CDH2: variants seen among roughly 807,000 people sequenced by gnomAD.
The protein encoded by CDH2 is cadherin 2, also known as cadherin-2.
In CDH2, 17 loss-of-function variants were observed where a neutral mutation model predicts 92.0. The ratio of observed to expected loss-of-function variants is 0.18; its 90% CI spans 0.13 to 0.28. The LOEUF is 0.28. Among genes scored for constraint, CDH2 ranks in the 10% least tolerant of loss-of-function variants. The pLI is 1.00. For synonymous variants in CDH2, 419 were observed against 415.9 expected (o/e 1.01, Z -0.09); for missense variants, 862 against 1,133.1 (o/e 0.76, Z 3.44).
intron 2 of CDH2, among the ~76,000 whole-genome samples, chr18:28,072,380 C>G (rs1020063145): frequency 2.0e-5 from 3 of 151,818 alleles, no homozygotes; most frequent in African/African-American, 4.9e-5. Context: ...TCATGTGGCT[C>G]TGTCTTTCCT....
intron 14 of CDH2, among the ~76,000 whole-genome samples, chr18:27,978,526 C>A (rs1355353279): frequency 6.6e-6 from 1 of 150,554 alleles, no homozygotes; most frequent in Non-Finnish European, 1.5e-5. Context: ...CATGTCTTAA[C>A]CAAATGAAAA....
chr18:28,094,721 G>A (rs1186044899), intron 2 of CDH2, among the ~76,000 whole-genome samples: 16 of 147,998 alleles, frequency 1.1e-4, no homozygotes, highest in African/African-American at 3.5e-4. Context: ...GTGAACCCGG[G>A]AAGCGGAGCT....
rs2011461860 is a variant in CDH2, at chr18:27,963,439, T to C, written c.2432A>G (p.Glu811Gly). The change falls in exon 15 of 16, where the codon GAA (glutamate) becomes GGA (glycine). Residue 811 changes from glutamate (E) to glycine (G), a missense_variant. By Grantham distance (98) the Glu-to-Gly change is moderately conservative. This residue lies in a region of CDH2 where 114 missense variants were observed against 144.8 expected (regional missense o/e 0.79). Transcript: ENST00000269141. ...CTGGGGCTCGGCGTGGATGGGTCTT[T>C]CATCCATTCGTCGGATTCCCACAGG... ...IKPVGIRRMDERPIHAEPQYP... is the reference protein window; with the variant it reads ...IKPVGIRRMDGRPIHAEPQYP... 3 of 1,613,952 alleles carry C rather than the reference T, an allele frequency of 1.9e-6. No individual in the cohort carries two copies. The highest frequency in any genetic ancestry group is 1.7e-6 in the Non-Finnish European group (2 of 1,179,882).
intron 2 of CDH2, among the ~76,000 whole-genome samples, chr18:28,124,226 G>C (rs533278382): frequency 9.2e-5 from 14 of 151,930 alleles, no homozygotes; most frequent in African/African-American, 3.1e-4. Flanking sequence ...TTAATTTTAA[G>C]GTTCATTTTG....
rs903866048 is a variant in CDH2 at position 28,025,635 on chromosome 18, T to A, written c.173-11726A>T. On this transcript the variant is annotated intron_variant, in intron 2 of 15. Transcript: ENST00000269141. ...ATTAATTTTAATTGACACATAATTA[T>A]ACATACTTATAGGGTACAGTGTGGT... 6.6e-5 allele frequency among the ~76,000 whole-genome samples: 10 copies of A among 151,548 alleles called. 1 individual carries two copies. In the South Asian group the frequency reaches 2.1e-3, roughly 32 times the overall value.
At chr18:28,045,679 G>C in intron 2 of CDH2, 1 of 271,720 alleles carries the variant, frequency 3.7e-6, no homozygotes. Flanking sequence ...TCCCCCACAT[G>C]TGTGCTTCAA....
chr18:28,147,539 C>T (rs958975561), intron 2 of CDH2, 134 bp downstream of exon 2: 3 of 502,402 alleles, frequency 6.0e-6, no homozygotes, highest in Admixed American at 3.7e-5. Context: ...AAATAAAGTC[C>T]CTACAGTCTC....
intron 2 of CDH2, among the ~76,000 whole-genome samples, chr18:28,043,890 ATT>A (rs67532914): frequency 1.4e-3 from 126 of 91,390 alleles, no homozygotes; most frequent in African/African-American, 4.5e-3. Flanking sequence ...AGAATCTCGG[ATT>A]TTTTTTTTTT....
At chr18:28,109,567 C>A (rs2015378132) in intron 2 of CDH2, among the ~76,000 whole-genome samples, 1 of 152,078 alleles carries the variant, frequency 6.6e-6, no homozygotes, top group Admixed American at 6.6e-5. Flanking sequence ...TAGGGAATAA[C>A]CATACAAATA....
At chr18:28,163,243 A>G (rs1332174081) in intron 1 of CDH2, among the ~76,000 whole-genome samples, 1 of 152,202 alleles carries the variant, frequency 6.6e-6, no homozygotes, top group East Asian at 1.9e-4. Flanking sequence ...AAGTATCCTA[A>G]AATTAGGGGG....
rs1283379005 is a variant in CDH2 at position 27,939,392 on chromosome 18, C to T, written c.1152-6268G>A. 3.9e-5 allele frequency among the ~76,000 whole-genome samples: 6 copies of T among 152,244 alleles called. No homozygotes were observed. The East Asian group carries it at 5.8e-4, about 15-fold the overall frequency. On this transcript the variant is annotated intron_variant, in intron 6 of 6. Transcript: ENST00000675173. ...ATTTCTACAATGCACTAGAAACACA[C>T]GAAAGGAGAAACAGCAAAACAAAAC...
At chr18:28,076,579 T>C (rs760783273) in intron 2 of CDH2, among the ~76,000 whole-genome samples, 2 of 152,140 alleles carry the variant, frequency 1.3e-5, no homozygotes, top group Non-Finnish European at 2.9e-5. Flanking sequence ...CTAGGGTACA[T>C]GTGCAAAATG....
chr18:28,093,576 A>AAAAG (rs2015074397), intron 2 of CDH2, among the ~76,000 whole-genome samples: 1 of 152,098 alleles, frequency 6.6e-6, no homozygotes, highest in South Asian at 2.1e-4. Flanking sequence ...AGTTAAAAAA[A>AAAAG]AAAAGAAAAC....
chr18:28,126,195 G>A (rs1057488185), intron 2 of CDH2, among the ~76,000 whole-genome samples: 3 of 152,042 alleles, frequency 2.0e-5, no homozygotes, highest in Non-Finnish European at 4.4e-5. Flanking sequence ...CTACAGATAT[G>A]CATGACTGTT....
At chr18:27,997,143 G>T (rs906702396) in intron 7 of CDH2, among the ~76,000 whole-genome samples, 6 of 152,236 alleles carry the variant, frequency 3.9e-5, no homozygotes, top group Non-Finnish European at 8.8e-5. Context: ...GAAGTAGCAC[G>T]TGAAAGGCTG....
intron 2 of CDH2, among the ~76,000 whole-genome samples, chr18:28,079,818 A>AC (rs992552339): frequency 1.8e-4 from 27 of 151,484 alleles, no homozygotes; most frequent in East Asian, 1.4e-3. Flanking sequence ...GGTAAATTCC[A>AC]CCCCCCCTCA....
chr18:28,057,157 C>T (rs1031831080), intron 2 of CDH2, among the ~76,000 whole-genome samples: 16 of 152,106 alleles, frequency 1.1e-4, no homozygotes, highest in Non-Finnish European at 5.9e-5. Context: ...ATGGAAAGAA[C>T]TCTGACAAGT....
chr18:28,143,442 T>C (rs1463097457), intron 2 of CDH2, among the ~76,000 whole-genome samples: 1 of 151,938 alleles, frequency 6.6e-6, no homozygotes, highest in Non-Finnish European at 1.5e-5. Context: ...AAGGACTACA[T>C]ATTATCTTCA....
chr18:28,103,092 C>CT, intron 2 of CDH2, among the ~76,000 whole-genome samples: 1 of 149,088 alleles, frequency 6.7e-6, no homozygotes, highest in Admixed American at 6.7e-5. Flanking sequence ...AGTGAAGAAA[C>CT]AAATGAAGTA....
Sources: allele counts gnomAD v4.1 joint callset (sites outside exome capture counted in the v4.1 genomes callset), GRCh38; gene constraint gnomAD v4.1.1; regional missense constraint gnomAD v4.1.1; transcripts MANE v1.5; gene names NCBI Gene and HGNC (gene_info 2026-07-23, HGNC 2026-07-21).